The following SLC52A3 variants were observed in gnomAD, a reference collection of about 807,000 sequenced individuals.
SLC52A3 encodes solute carrier family 52 member 3.
A neutral mutation model predicts 29.5 loss-of-function variants in SLC52A3; 20 were observed. The observed-to-expected ratio is 0.68, with a 90% CI of 0.48 to 0.99. The LOEUF is 0.99. Among genes scored for constraint, SLC52A3 ranks in the 50% least tolerant of loss-of-function variants. The probability of loss-of-function intolerance (pLI) is 0.00; values close to 1 mark genes in which losing one functional copy is unlikely to be tolerated. For missense variants in SLC52A3, 548 were observed against 612.9 expected (o/e 0.89, Z 1.12); for synonymous variants, 301 against 271.0 (o/e 1.11, Z -1.09).
chr20:768,868 C>G (rs541014775), upstream of SLC52A3, among the ~76,000 whole-genome samples: 60 of 152,328 alleles, frequency 3.9e-4, no homozygotes, highest in Non-Finnish European at 6.6e-4. Flanking sequence ...ACACCTTTGC[C>G]TGTGCTGTCC....
intron 4 of SLC52A3, 115 bp downstream of exon 4, chr20:761,586 C>T: frequency 1.3e-6 from 2 of 1,508,056 alleles, no homozygotes; most frequent in Non-Finnish European, 1.8e-6. Flanking sequence ...CTGGGGCTTC[C>T]CGGGAGGGTC....
At chr20:777,688 T>C (rs1053375956), upstream of SLC52A3, among the ~76,000 whole-genome samples, 2 of 152,216 alleles carry the variant, frequency 1.3e-5, no homozygotes, top group African/African-American at 4.8e-5. Flanking sequence ...TCCAGGCTAA[T>C]GCTTGGGGCG....
In SLC52A3 at chr20:761,090, G is replaced by C. The variant is rs1322154756; in HGVS notation, c.1346C>G (p.Pro449Arg). 7 of 1,609,420 alleles carry C rather than the reference G, an allele frequency of 4.3e-6. No individual in the cohort carries two copies. Among genetic ancestry groups the C allele is most frequent in the Non-Finnish European group, 5.1e-6 (6 of 1,178,532 alleles). Residue 449 changes from proline to arginine, a missense_variant, in exon 5 of 5, where the codon CCT (proline) becomes CGT (arginine). By Grantham distance (103) the Pro-to-Arg change is moderately radical. Coordinates refer to ENST00000645534, the MANE Select transcript of SLC52A3 (RefSeq NM_033409.4). ...GSLLGALLMF[P>R]LVNVLRLFSS... ...GAAGAGCCGCAGCACGTTGACCAGA[G>C]GGAACATGAGCAGCGCTCCGAGCAG...
At chr20:775,903 TAGCTGC>T (rs1987004701) in intron 1 of SLC52A3, 1 of 152,544 alleles carries the variant, frequency 6.6e-6, no homozygotes. Context: ...GCAGCCTTGG[TAGCTGC>T]AGCTGCACCC....
upstream of SLC52A3, among the ~76,000 whole-genome samples, chr20:772,784 G>C (rs565569746): frequency 3.3e-5 from 5 of 152,274 alleles, no homozygotes; most frequent in East Asian, 9.6e-4. Flanking sequence ...TGGTGGCAAG[G>C]ACTCCGGAGG....
rs542457873 is a variant in SLC52A3 at position 761,444 on chromosome 20, A to T, written c.1198-206T>A. On this transcript the variant is annotated intron_variant, in intron 4 of 4. Coordinates refer to ENST00000645534, the MANE Select transcript of SLC52A3 (RefSeq NM_033409.4). ...AGAATCCAGTGGCTTTTCTGGGTTC[A>T]CGTGCCCATGATCAGGGCAAGGGCC... is the stretch of plus-strand genomic sequence containing the variant. 7 of 747,208 alleles carry T rather than the reference A, an allele frequency of 9.4e-6. No individual in the cohort carries two copies. The South Asian group carries it at 1.1e-4, about 12-fold the overall frequency. 46.3% of individuals were successfully genotyped at this position (747,208 alleles called of 1,614,324 possible). A position where few individuals can be genotyped will look rare whatever the true frequency, so the allele number is the denominator to read the frequency against.
In SLC52A3 at chr20:765,258, A is replaced by G. The variant is rs749602815; in HGVS notation, c.517T>C (p.Ser173Pro). The G allele has an allele frequency of 2.0e-5, 33 of 1,614,058 alleles. No homozygotes were observed. The Admixed American group carries it at 3.0e-4, about 15-fold the overall frequency. Residue 173 changes from serine (S) to proline (P), a missense_variant, in exon 2 of 5, where the codon TCA (serine) becomes CCA (proline). Physicochemically the swap from Ser to Pro is moderately conservative, Grantham distance 74. Around this residue, in one of 2 missense-constraint regions of SLC52A3, gnomAD observed 375 missense variants for 471.1 expected, o/e 0.80. Transcript: ENST00000645534. This position sits in a 1 kb window ranked among gnomAD's most constrained non-coding sequence, Gnocchi z 6.6. ...LTTCVNVTEISDSVPSPVPTR... is the reference protein window; with the variant it reads ...LTTCVNVTEIPDSVPSPVPTR... ...GGTACAGGGCTTGGTACGCTGTCTG[A>G]TATCTCAGTGACATTGACGCAGGTA...
chr20:777,962 G>T (rs1987111790), upstream of SLC52A3, among the ~76,000 whole-genome samples: 1 of 151,684 alleles, frequency 6.6e-6, no homozygotes, highest in African/African-American at 2.4e-5. Flanking sequence ...ATTAGTAAAG[G>T]TGCCTGTATC....
At position 761,109 on chromosome 20, in the gene SLC52A3, C is replaced by G; in HGVS notation, c.1327G>C (p.Gly443Arg). ...ACCAGAGGGAACATGAGCAGCGCTC[C>G]GAGCAGCGAGCCCAGCTGCACCGCC... Reference protein sequence around the residue: ...GAAVQLGSLLGALLMFPLVNV... With the variant: ...GAAVQLGSLLRALLMFPLVNV... Residue 443 changes from glycine (G) to arginine (R), a missense_variant, in exon 5 of 5, where the codon GGA becomes CGA. Around this residue, in one of 2 missense-constraint regions of SLC52A3, gnomAD observed 173 missense variants for 141.8 expected, o/e 1.22. Coordinates refer to ENST00000645534, the MANE Select transcript of SLC52A3 (RefSeq NM_033409.4). The G allele has an allele frequency of 6.2e-7, 1 of 1,604,018 alleles. No individual in the cohort carries two copies. The highest frequency in any genetic ancestry group is 8.5e-7 in the Non-Finnish European group (1 of 1,176,196).
In SLC52A3 at chr20:763,593, G is replaced by T; in HGVS notation, c.978C>A (p.Cys326Ter). 6.2e-7 allele frequency: 1 copy of T among 1,614,210 alleles called. No homozygotes were observed. Among genetic ancestry groups the T allele is most frequent in the South Asian group, 1.1e-5 (1 of 91,086 alleles). The change falls in exon 3 of 5, where the codon TGC (cysteine) becomes TGA (stop). Residue 326 changes from cysteine (C) to a stop codon, truncating the protein, a stop_gained. Coordinates refer to ENST00000645534, the MANE Select transcript of SLC52A3 (RefSeq NM_033409.4). LOFTEE classifies it high-confidence loss of function. ...GGTAGGCAACTGGCCCATAGGACAG[G>T]CAGGAGTAGGTCTGCACAGAGGGCA... ...GMLPSVQTYS[C>*]LSYGPVAYHL...
upstream of SLC52A3, among the ~76,000 whole-genome samples, chr20:773,015 G>A (rs1986895156): frequency 6.6e-6 from 1 of 152,242 alleles, no homozygotes; most frequent in Admixed American, 6.5e-5. Context: ...CAGGTTGGAG[G>A]GGAGGAGACA....
At position 765,565 on chromosome 20, in the gene SLC52A3, G is replaced by A. The variant is rs1455468261; in HGVS notation, c.210C>T (p.Ser70=). The change falls in exon 2 of 5, where the codon TCC becomes TCT. Residue 70 remains serine (S), a synonymous_variant. Transcript: ENST00000645534. This position sits in a 1 kb window ranked among gnomAD's most constrained non-coding sequence, Gnocchi z 6.6. The part of the protein sequence containing the change: ...LLHHFRPSCL[S]EVPIIFTLLG... Reference sequence around the variant, plus strand: ...GCAGGGTGAAGATGATGGGCACTTCGGAAAGGCAGCTGGGCCGGAAGTGAT... The same window carrying A: ...GCAGGGTGAAGATGATGGGCACTTCAGAAAGGCAGCTGGGCCGGAAGTGAT... 25 of 1,580,150 alleles carry A rather than the reference G, an allele frequency of 1.6e-5. No individual in the cohort carries two copies. Among genetic ancestry groups the A allele is most frequent in the East Asian group, 6.9e-5 (3 of 43,450 alleles).
Position 760,165 on chromosome 20 carries a change from A to G in SLC52A3, c.*861T>C, listed in dbSNP as rs1986406700. The G allele has an allele frequency of 6.6e-6, 1 of 152,216 alleles. No homozygotes were observed. The highest frequency in any genetic ancestry group is 6.5e-5 in the Admixed American group (1 of 15,278). The allele number at this position is 152,216 out of a possible 1,614,324, so 9.4% of individuals were successfully genotyped here. On this transcript the variant is annotated 3_prime_UTR_variant, in exon 5 of 5. Transcript: ENST00000645534. This position sits in a 1 kb window ranked among gnomAD's most constrained non-coding sequence, Gnocchi z 4.9. ...ATCACCTCTGTTGCCTCCATTTGAG[A>G]GAATACTTCCAGGGGCTCTGCATGT...
upstream of SLC52A3, among the ~76,000 whole-genome samples, chr20:770,598 G>T (rs1266556758): frequency 6.6e-6 from 1 of 152,194 alleles, no homozygotes; most frequent in Non-Finnish European, 1.5e-5. This position sits in a 1 kb window ranked among gnomAD's most constrained non-coding sequence, Gnocchi z 4.5. Context: ...AACTGTTCAA[G>T]AACAATGTTA....
At chr20:763,420 G>A in intron 3 of SLC52A3, 78 bp downstream of exon 3, 1 of 1,587,810 alleles carries the variant, frequency 6.3e-7, no homozygotes, top group African/African-American at 1.3e-5. Flanking sequence ...GTACAGCCCA[G>A]TAGGTGCGTT....
chr20:765,141 A>G lies in SLC52A3; in HGVS notation c.567+67T>C, dbSNP rs1700370272. ...AGAACCTAGAAGGATGGAGGTGAGCAGTTTTTCCCTCCCCTACATTTGTGA... is the reference window on the plus strand; with the variant it reads ...AGAACCTAGAAGGATGGAGGTGAGCGGTTTTTCCCTCCCCTACATTTGTGA... On this transcript the variant is annotated intron_variant, in intron 2 of 4. Transcript: ENST00000645534. The surrounding 1 kb of genome is among the most constrained non-coding windows in gnomAD (Gnocchi z 6.6). 1 of 1,554,842 alleles carries G rather than the reference A, an allele frequency of 6.4e-7. No individual in the cohort carries two copies. The highest frequency in any genetic ancestry group is 8.9e-7 in the Non-Finnish European group (1 of 1,127,720).
At chr20:774,179 C>T (rs1430683713) in intron 1 of SLC52A3, among the ~76,000 whole-genome samples, 1 of 152,246 alleles carries the variant, frequency 6.6e-6, no homozygotes, top group East Asian at 1.9e-4. Flanking sequence ...GATAATCTGC[C>T]AGCTGGTAGG....
upstream of SLC52A3, among the ~76,000 whole-genome samples, chr20:779,440 G>C (rs1351121787): frequency 6.6e-6 from 1 of 152,174 alleles, no homozygotes; most frequent in South Asian, 2.1e-4. Context: ...TGGCCAACAA[G>C]ATGAAACCCT....
At chr20:761,518 C>T (rs1050152325) in intron 4 of SLC52A3, 183 bp downstream of exon 4, 1 of 881,554 alleles carries the variant, frequency 1.1e-6, no homozygotes, top group Non-Finnish European at 1.8e-6. Context: ...AGAGGCCTAC[C>T]AGTCACCTCG....
Sources: allele counts gnomAD v4.1 joint callset (sites outside exome capture counted in the v4.1 genomes callset), GRCh38; gene constraint gnomAD v4.1.1; regional missense constraint gnomAD v4.1.1; non-coding constraint Gnocchi (gnomAD v3.1); transcripts MANE v1.5; gene names NCBI Gene and HGNC (gene_info 2026-07-23, HGNC 2026-07-21).